SDK2: variants seen among roughly 807,000 people sequenced by gnomAD.
SDK2 encodes the protein protein sidekick-2.
SDK2 carries 105 observed loss-of-function variants against 253.9 expected under a neutral mutation model. That is an observed-to-expected ratio of 0.41 (90% CI 0.35 to 0.49). The LOEUF is 0.49. Ranked by LOEUF, SDK2 falls within the 20% of genes least tolerant of loss-of-function variation. The probability of loss-of-function intolerance (pLI) is 0.06; values close to 1 mark genes in which losing one functional copy is unlikely to be tolerated. For synonymous variants in SDK2, 1,249 were observed against 1,234.9 expected (o/e 1.01, Z -0.24); for missense variants, 2,608 against 3,003.0 (o/e 0.87, Z 3.07).
chr17:73,387,894 T>A lies in SDK2; in HGVS notation c.4336A>T (p.Arg1446Trp). 1 of 1,592,638 alleles carries A rather than the reference T, an allele frequency of 6.3e-7. No homozygotes were observed. Reference protein sequence around the residue: ...TIQTRELPSGRWALHSASVSH... With the variant: ...TIQTRELPSGWWALHSASVSH... ...ACGGAGGCCGAGTGCAGTGCCCACCTGCCGCTGGGCAGCTCGCGGGTCTGG... is the reference window on the plus strand; with the variant it reads ...ACGGAGGCCGAGTGCAGTGCCCACCAGCCGCTGGGCAGCTCGCGGGTCTGG... The change falls in exon 30 of 45, where the codon AGG becomes TGG. Residue 1446 changes from arginine to tryptophan, a missense_variant. Arg to Trp is a moderately radical substitution (Grantham distance 101). Coordinates refer to ENST00000392650, the MANE Select transcript of SDK2 (RefSeq NM_001144952.2).
At chr17:73,403,014 G>A (rs2063041598) in intron 18 of SDK2, among the ~76,000 whole-genome samples, 1 of 151,976 alleles carries the variant, frequency 6.6e-6, no homozygotes, top group African/African-American at 2.4e-5. Flanking sequence ...GGCCAGGCTG[G>A]TCTCGAACTC....
In SDK2 at chr17:73,419,892, A is replaced by T. The variant is rs192622516; in HGVS notation, c.2046-586T>A. ...GAGACCCTGTCTCAAAAAAAAAAAAAAAATTAATGTACATGTTTTTGGTGC... is the reference window on the plus strand; with the variant it reads ...GAGACCCTGTCTCAAAAAAAAAAAATAAATTAATGTACATGTTTTTGGTGC... On this transcript the variant is annotated intron_variant, in intron 15 of 44. Coordinates refer to ENST00000392650, the MANE Select transcript of SDK2 (RefSeq NM_001144952.2). Among the ~76,000 whole-genome samples the T allele has an allele frequency of 5.2e-3, 791 of 151,986 alleles. 5 individuals carry two copies. The highest frequency in any genetic ancestry group is 0.016 in the African/African-American group (671 of 41,456).
intron 2 of SDK2, among the ~76,000 whole-genome samples, chr17:73,477,505 C>G (rs141503630): frequency 1.3e-5 from 2 of 152,222 alleles, no homozygotes; most frequent in African/African-American, 4.8e-5. Context: ...AGTTATGGGA[C>G]CTTGCAAGCC....
In SDK2 at chr17:73,435,801, G is replaced by C. The variant is rs1263331243; in HGVS notation, c.1001-157C>G. Among the ~76,000 whole-genome samples, 1 of 152,196 alleles carries C rather than the reference G, an allele frequency of 6.6e-6. No homozygotes were observed. The highest frequency in any genetic ancestry group is 1.5e-5 in the Non-Finnish European group (1 of 68,030). ...CTCAGAGGTGCCACTTTGGGTCTAGGGAGAGGAGGAAGATGCTCTTTGAGT... is the reference window on the plus strand; with the variant it reads ...CTCAGAGGTGCCACTTTGGGTCTAGCGAGAGGAGGAAGATGCTCTTTGAGT... On this transcript the variant is annotated intron_variant, in intron 8 of 44. Coordinates refer to ENST00000392650, the MANE Select transcript of SDK2 (RefSeq NM_001144952.2). The surrounding 1 kb of genome is among the most constrained non-coding windows in gnomAD (Gnocchi z 5.7).
At chr17:73,451,364 G>A (rs188402257) in intron 4 of SDK2, among the ~76,000 whole-genome samples, 6 of 152,314 alleles carry the variant, frequency 3.9e-5, no homozygotes, top group Admixed American at 3.9e-4. Flanking sequence ...AAATTAGCCA[G>A]ATGTGGTGGT....
chr17:73,372,591 T>C (rs1354040435), intron 36 of SDK2, among the ~76,000 whole-genome samples: 3 of 151,758 alleles, frequency 2.0e-5, no homozygotes, highest in East Asian at 3.9e-4. Context: ...AAGATCTATA[T>C]ATAGCCGGGC....
intron 31 of SDK2, among the ~76,000 whole-genome samples, chr17:73,386,145 C>T (rs559894310): frequency 1.3e-5 from 2 of 152,310 alleles, no homozygotes; most frequent in South Asian, 2.1e-4. Context: ...GAGCCCCCTC[C>T]GCTCTGCTCC....
At chr17:73,436,089 A>G (rs1201720283) in intron 8 of SDK2, among the ~76,000 whole-genome samples, 1 of 152,034 alleles carries the variant, frequency 6.6e-6, no homozygotes, top group East Asian at 1.9e-4. Context: ...CTTAGCAGAC[A>G]TGTATGTGTG....
intron 2 of SDK2, among the ~76,000 whole-genome samples, chr17:73,502,261 C>T (rs997652113): frequency 2.0e-5 from 3 of 152,174 alleles, no homozygotes; most frequent in Admixed American, 6.5e-5. Flanking sequence ...TAAATTTAGC[C>T]ATTTTCCTGC....
chr17:73,515,494 G>A (rs1475064361), intron 1 of SDK2, among the ~76,000 whole-genome samples: 1 of 152,242 alleles, frequency 6.6e-6, no homozygotes, highest in African/African-American at 2.4e-5. Context: ...GAAGGATAAG[G>A]AGGCAGAATA....
intron 1 of SDK2, among the ~76,000 whole-genome samples, chr17:73,603,214 T>C (rs8080473): frequency 0.22 from 32,790 of 152,056 alleles, 3,911 homozygotes; most frequent in African/African-American, 0.31. Flanking sequence ...GTGAAGAGTC[T>C]CCAGGTCCCG....
chr17:73,359,570 G>A (rs1244714611), intron 39 of SDK2, among the ~76,000 whole-genome samples: 2 of 152,188 alleles, frequency 1.3e-5, no homozygotes, highest in African/African-American at 2.4e-5. Context: ...AGCTTCCAGC[G>A]AGTCCAGCCA....
chr17:73,456,152 C>T (rs111382678), intron 3 of SDK2, 99 bp from the exon 4 acceptor site: 102 of 1,332,598 alleles, frequency 7.7e-5, no homozygotes, highest in African/African-American at 4.7e-4. Context: ...ACGGAAAATT[C>T]GGGGCAGACA....
At position 73,431,955 on chromosome 17, in the gene SDK2, G is replaced by T. The variant is rs1004967754; in HGVS notation, c.1313-286C>A. Among the ~76,000 whole-genome samples, 1 of 152,192 alleles carries T rather than the reference G, an allele frequency of 6.6e-6. No individual in the cohort carries two copies. The highest frequency in any genetic ancestry group is 2.4e-5 in the African/African-American group (1 of 41,464). On this transcript the variant is annotated intron_variant, in intron 10 of 44. Transcript: ENST00000392650. This position sits in a 1 kb window ranked among gnomAD's most constrained non-coding sequence, Gnocchi z 5.6. ...ACACCACGTGCCCTTCAACAGAGAA[G>T]GGGGCGCAGTTTCCTGATGACGGTG...
At chr17:73,561,292 C>A (rs1441816647) in intron 1 of SDK2, among the ~76,000 whole-genome samples, 1 of 152,210 alleles carries the variant, frequency 6.6e-6, no homozygotes, top group Non-Finnish European at 1.5e-5. Flanking sequence ...GCGGTCAGCC[C>A]TCAGCCTGGC....
chr17:73,542,086 T>C (rs2044877788), intron 1 of SDK2, among the ~76,000 whole-genome samples: 1 of 152,234 alleles, frequency 6.6e-6, no homozygotes, highest in South Asian at 2.1e-4. Context: ...TATTTTTGGA[T>C]TGTCTGCTTC....
chr17:73,353,720 T>TTC (rs2062559840), intron 40 of SDK2, among the ~76,000 whole-genome samples: 1 of 147,222 alleles, frequency 6.8e-6, no homozygotes, highest in Admixed American at 6.8e-5. Context: ...TTTTTTTTTT[T>TTC]TGAGATGGAG....
At chr17:73,550,946 C>G (rs1486161080) in intron 1 of SDK2, among the ~76,000 whole-genome samples, 3 of 152,076 alleles carry the variant, frequency 2.0e-5, no homozygotes, top group Non-Finnish European at 4.4e-5. Context: ...AGGGAGAGAC[C>G]CCAGCTTCTC....
At chr17:73,477,983 T>C (rs184366119) in intron 2 of SDK2, among the ~76,000 whole-genome samples, 1 of 152,328 alleles carries the variant, frequency 6.6e-6, no homozygotes, top group Non-Finnish European at 1.5e-5. Context: ...CTTTATTTAT[T>C]TATTATAGGA....
Sources: gnomAD v4.1 joint callset for allele counts (sites outside exome capture counted in the v4.1 genomes callset) on GRCh38, gnomAD v4.1.1 for gene constraint, Gnocchi (gnomAD v3.1) non-coding constraint, MANE v1.5 for transcripts, NCBI Gene and HGNC (gene_info 2026-07-23, HGNC 2026-07-21) for gene names.